The following C8orf34 variants were observed in gnomAD, a reference collection of about 807,000 sequenced individuals.
The protein encoded by C8orf34 is uncharacterized protein C8orf34.
In C8orf34, 65 loss-of-function variants were observed where a neutral mutation model predicts 68.3. That is an observed-to-expected ratio of 0.95 (90% CI 0.78 to 1.17). The LOEUF is 1.17. Among genes scored for constraint, C8orf34 ranks in the 50% most tolerant of loss-of-function variants. The pLI is 0.00. For synonymous variants in C8orf34, 244 were observed against 241.2 expected, an observed-to-expected ratio of 1.01 and a Z score of -0.11; for missense variants, 664 against 655.4, an observed-to-expected ratio of 1.01 and a Z score of -0.14.
intron 7 of C8orf34, among the ~76,000 whole-genome samples, chr8:68,603,290 A>G (rs1817752783): frequency 6.6e-6 from 1 of 152,062 alleles, no homozygotes; most frequent in Non-Finnish European, 1.5e-5. Context: ...AAAGTTAAAT[A>G]TATACTTACC....
At chr8:68,389,682 ACTT>A (rs1808402427) in intron 1 of C8orf34, among the ~76,000 whole-genome samples, 1 of 152,124 alleles carries the variant, frequency 6.6e-6, no homozygotes, top group South Asian at 2.1e-4. Flanking sequence ...ACACTTGGAC[ACTT>A]CTTCAGCCAA....
At chr8:68,528,201 C>T (rs1815095441) in intron 6 of C8orf34, among the ~76,000 whole-genome samples, 1 of 152,158 alleles carries the variant, frequency 6.6e-6, no homozygotes, top group Non-Finnish European at 1.5e-5. Context: ...ACTTTCTTTA[C>T]CTACTCTTCG....
intron 11 of C8orf34, among the ~76,000 whole-genome samples, chr8:68,785,276 A>T (rs899531674): frequency 1.3e-5 from 2 of 152,196 alleles, no homozygotes; most frequent in African/African-American, 4.8e-5. Flanking sequence ...CTGTATATAT[A>T]GTAAGGTAAA....
intron 11 of C8orf34, among the ~76,000 whole-genome samples, chr8:68,785,319 A>G (rs552641091): frequency 6.0e-4 from 92 of 152,328 alleles, no homozygotes; most frequent in African/African-American, 2.2e-3. Context: ...TAACTCTAAT[A>G]CATTATGCAC....
rs113670443 is a variant in C8orf34, at chr8:68,344,892, A to T, written c.327+13553A>T. Among the ~76,000 whole-genome samples the T allele has an allele frequency of 9.4e-3, 1,428 of 152,200 alleles. 25 individuals are homozygous for T. Among genetic ancestry groups the T allele is most frequent in the African/African-American group, 0.032 (1,310 of 41,556 alleles). On this transcript the variant is annotated intron_variant, in intron 1 of 13. Transcript: ENST00000518698. ...GATATTGATAGAAAAATATTAACAT[A>T]CGTGTTGAAAATTTAAGAGTAATCT...
At chr8:68,461,060 GTA>G (rs1407306725) in intron 3 of C8orf34, among the ~76,000 whole-genome samples, 2 of 152,306 alleles carry the variant, frequency 1.3e-5, no homozygotes, top group East Asian at 3.9e-4. Context: ...TTAGACGAAT[GTA>G]TAACTAGAAT....
chr8:68,576,047 G>C (rs1283018765), intron 7 of C8orf34, among the ~76,000 whole-genome samples: 2 of 133,836 alleles, frequency 1.5e-5, no homozygotes, highest in Admixed American at 1.7e-4. Flanking sequence ...CAATCACAAA[G>C]TTTTCTAGGA....
intron 7 of C8orf34, among the ~76,000 whole-genome samples, chr8:68,538,369 C>A (rs539775711): frequency 6.6e-6 from 1 of 151,916 alleles, no homozygotes; most frequent in South Asian, 2.1e-4. Flanking sequence ...CCCTCAGGTA[C>A]ACGTAATTAA....
At chr8:68,783,289 G>A (rs1352915092) in intron 11 of C8orf34, among the ~76,000 whole-genome samples, 2 of 152,042 alleles carry the variant, frequency 1.3e-5, no homozygotes, top group African/African-American at 4.8e-5. Flanking sequence ...GGAGGCCAAG[G>A]CGGGTGGATC....
chr8:68,481,151 A>G (rs1812841527), intron 4 of C8orf34, among the ~76,000 whole-genome samples: 1 of 152,020 alleles, frequency 6.6e-6, no homozygotes, highest in Non-Finnish European at 1.5e-5. Flanking sequence ...CCATAGCTGA[A>G]AGGGGCCAAT....
chr8:68,565,708 T>A (rs906395948), intron 7 of C8orf34, among the ~76,000 whole-genome samples: 2 of 152,152 alleles, frequency 1.3e-5, no homozygotes, highest in Non-Finnish European at 2.9e-5. Flanking sequence ...AGGTATTACA[T>A]TATATGATCT....
intron 7 of C8orf34, among the ~76,000 whole-genome samples, chr8:68,612,621 A>G (rs572051315): frequency 6.6e-6 from 1 of 152,310 alleles, no homozygotes; most frequent in East Asian, 1.9e-4. Flanking sequence ...TTCAATGAAC[A>G]TTTATTAAAC....
intron 4 of C8orf34, among the ~76,000 whole-genome samples, chr8:68,476,684 C>T (rs1247550774): frequency 6.6e-6 from 1 of 152,102 alleles, no homozygotes; most frequent in Non-Finnish European, 1.5e-5. Context: ...GAAAACCATA[C>T]ATATTTATGT....
At chr8:68,515,305 C>G (rs1814460986) in intron 5 of C8orf34, among the ~76,000 whole-genome samples, 1 of 151,840 alleles carries the variant, frequency 6.6e-6, no homozygotes, top group South Asian at 2.1e-4. Flanking sequence ...TACAGCCCTC[C>G]CTTTTTTCCT....
At chr8:68,387,610 A>G (rs1356311636) in intron 1 of C8orf34, among the ~76,000 whole-genome samples, 8 of 152,156 alleles carry the variant, frequency 5.3e-5, no homozygotes, top group African/African-American at 1.9e-4. Flanking sequence ...GGAAGAAGAT[A>G]CAGAAATGGA....
chr8:68,589,361 A>G (rs952031727), intron 7 of C8orf34, among the ~76,000 whole-genome samples: 1 of 152,072 alleles, frequency 6.6e-6, no homozygotes, highest in African/African-American at 2.4e-5. Context: ...AATACAGAGA[A>G]AGAAAGAACG....
chr8:68,530,990 C>T (rs979824524), intron 6 of C8orf34, among the ~76,000 whole-genome samples: 10 of 152,096 alleles, frequency 6.6e-5, no homozygotes, highest in Non-Finnish European at 1.3e-4. Context: ...ATACCCTCCA[C>T]CTGTATTCAC....
At position 68,533,597 on chromosome 8, in the gene C8orf34, T is replaced by C. The variant is rs1815342004; in HGVS notation, c.1105+448T>C. The C allele has an allele frequency of 1.8e-5, 18 of 985,642 alleles. No homozygotes were observed. The South Asian group carries it at 5.6e-4, about 31-fold the overall frequency. 61.1% of individuals were successfully genotyped at this position (985,642 alleles called of 1,614,324 possible). On this transcript the variant is annotated intron_variant, in intron 7 of 13. Transcript: ENST00000518698. ...ATAGAATAAAGTTGAAAGGGGCAGA[T>C]AGTAAATTCAGGTTTTATGTTTTCC...
intron 3 of C8orf34, among the ~76,000 whole-genome samples, chr8:68,459,199 A>G (rs1267994664): frequency 6.6e-6 from 1 of 152,126 alleles, no homozygotes; most frequent in Non-Finnish European, 1.5e-5. Context: ...GGATGCAGAG[A>G]AAAGGGAACT....
Sources: gnomAD v4.1 joint callset for allele counts (sites outside exome capture counted in the v4.1 genomes callset) on GRCh38, gnomAD v4.1.1 for gene constraint, MANE v1.5 for transcripts, NCBI Gene and HGNC (gene_info 2026-07-23, HGNC 2026-07-21) for gene names.